Variants in BAZ2B observed in about 807,000 individuals in gnomAD.
BAZ2B encodes bromodomain adjacent to zinc finger domain 2B.
Under a neutral mutation model 246.0 loss-of-function variants are expected in BAZ2B, and 91 were observed. The ratio of observed to expected loss-of-function variants is 0.37; its 90% CI spans 0.31 to 0.44. BAZ2B has a LOEUF of 0.44. Ranked by LOEUF, BAZ2B falls within the 20% of genes least tolerant of loss-of-function variation. The pLI, the probability that BAZ2B is intolerant of heterozygous loss-of-function variation, is 1.00. For missense variants in BAZ2B, 2,332 were observed against 2,533.7 expected (o/e 0.92, Z 1.71); for synonymous variants, 855 against 860.0 (o/e 0.99, Z 0.10).
At chr2:159,655,907 CAT>C in the BAZ2B span, among the ~76,000 whole-genome samples, 1 of 152,068 alleles carries the variant, frequency 6.6e-6, no homozygotes, top group African/African-American at 2.4e-5. Flanking sequence ...AAATTTTCAA[CAT>C]ATTTTTAATA....
At chr2:159,488,319 C>T (rs1288176041) in intron 2 of BAZ2B, among the ~76,000 whole-genome samples, 2 of 152,062 alleles carry the variant, frequency 1.3e-5, no homozygotes, top group African/African-American at 2.4e-5. Context: ...GTGATCCACC[C>T]GCCTCGGCCT....
At chr2:159,690,228 T>C in the BAZ2B span, 1 of 416,740 alleles carries the variant, frequency 2.4e-6, no homozygotes, top group South Asian at 2.1e-5. Flanking sequence ...GCTTTCACAT[T>C]ATATCAATCT....
chr2:159,590,308 G>T (rs1689092145), intron 1 of BAZ2B, among the ~76,000 whole-genome samples: 1 of 134,438 alleles, frequency 7.4e-6, no homozygotes, highest in Non-Finnish European at 1.6e-5. Context: ...CTCAAAAATA[G>T]GCCAGGTACA....
chr2:159,359,615 C>T (rs536956971), intron 27 of BAZ2B, among the ~76,000 whole-genome samples: 3 of 152,078 alleles, frequency 2.0e-5, no homozygotes, highest in Non-Finnish European at 4.4e-5. Context: ...ATAAGGCCAG[C>T]GTCAATACCT....
chr2:159,670,345 C>T, the BAZ2B span, among the ~76,000 whole-genome samples: 3 of 152,110 alleles, frequency 2.0e-5, no homozygotes, highest in South Asian at 6.2e-4. Context: ...GGCTCATGAA[C>T]TGTACCTCTT....
chr2:159,349,361 T>C (rs1186879996), intron 28 of BAZ2B, 81 bp from the exon 29 acceptor site: 1 of 1,358,752 alleles, frequency 7.4e-7, no homozygotes, highest in Non-Finnish European at 9.8e-7. Context: ...GAAATTATTT[T>C]TCAAATTCCA....
In BAZ2B at chr2:159,468,442, T is replaced by C. The variant is rs193152063; in HGVS notation, c.145+10133A>G. 1.9e-3 allele frequency among the ~76,000 whole-genome samples: 289 copies of C among 152,226 alleles called. 1 individual carries two copies. Among genetic ancestry groups the C allele is most frequent in the African/African-American group, 6.6e-3 (274 of 41,528 alleles). ...AGAGGAGACCCAGAGGAGTCTAGCATGAAAAAGCAGAAGTGGGAAGCCAAA... is the reference window on the plus strand; with the variant it reads ...AGAGGAGACCCAGAGGAGTCTAGCACGAAAAAGCAGAAGTGGGAAGCCAAA... On this transcript the variant is annotated intron_variant, in intron 3 of 36. Transcript: ENST00000392783.
the BAZ2B span, among the ~76,000 whole-genome samples, chr2:159,661,260 T>A: frequency 1.3e-5 from 2 of 152,230 alleles, no homozygotes; most frequent in Non-Finnish European, 2.9e-5. Flanking sequence ...CATATTGTAA[T>A]GTGTGAATAG....
intron 25 of BAZ2B, among the ~76,000 whole-genome samples, chr2:159,375,970 C>A (rs2061373047): frequency 6.6e-6 from 1 of 152,094 alleles, no homozygotes; most frequent in African/African-American, 2.4e-5. Context: ...ATGCATAGTC[C>A]TAATTTCATA....
chr2:159,652,868 T>C, the BAZ2B span, among the ~76,000 whole-genome samples: 1 of 152,004 alleles, frequency 6.6e-6, no homozygotes, highest in African/African-American at 2.4e-5. Flanking sequence ...TTCTCCTATC[T>C]TGGCCTCCTA....
chr2:159,388,499 C>G (rs1387374919), intron 21 of BAZ2B, among the ~76,000 whole-genome samples: 2 of 152,098 alleles, frequency 1.3e-5, no homozygotes, highest in Non-Finnish European at 2.9e-5. Flanking sequence ...AGTATAGGCT[C>G]TGGAGTTTAA....
chr2:159,533,637 G>A (rs2085607019), intron 2 of BAZ2B, among the ~76,000 whole-genome samples: 2 of 151,862 alleles, frequency 1.3e-5, no homozygotes, highest in African/African-American at 4.8e-5. Flanking sequence ...AAACAAAAAA[G>A]AAGAAGAAAG....
chr2:159,598,653 G>T (rs908777795), intron 1 of BAZ2B, among the ~76,000 whole-genome samples: 7 of 151,960 alleles, frequency 4.6e-5, no homozygotes, highest in African/African-American at 1.7e-4. Flanking sequence ...TTTGAGACCA[G>T]CCCGGCCAAA....
intron 2 of BAZ2B, among the ~76,000 whole-genome samples, chr2:159,491,537 G>A (rs2080465731): frequency 1.3e-5 from 2 of 150,132 alleles, no homozygotes; most frequent in African/African-American, 4.9e-5. Context: ...CGGCTAAAAC[G>A]GTGAAACCCC....
chr2:159,533,862 G>A (rs1174502971), intron 2 of BAZ2B, among the ~76,000 whole-genome samples: 2 of 152,124 alleles, frequency 1.3e-5, no homozygotes, highest in Admixed American at 1.3e-4. Flanking sequence ...AAAAATGAAT[G>A]TATGTGAAAC....
At chr2:159,505,793 C>A (rs955123556) in intron 2 of BAZ2B, among the ~76,000 whole-genome samples, 8 of 152,150 alleles carry the variant, frequency 5.3e-5, no homozygotes, top group Non-Finnish European at 4.4e-5. Flanking sequence ...AAAAGGAGAA[C>A]AATTCATACA....
Position 159,332,645 on chromosome 2 carries a change from A to C in BAZ2B, c.5838T>G (p.Leu1946=), listed in dbSNP as rs192910254. 184 of 1,614,050 alleles carry C rather than the reference A, an allele frequency of 1.1e-4. No individual in the cohort carries two copies. The African/African-American group carries it at 2.2e-3, about 19-fold the overall frequency. Residue 1946 remains leucine, a synonymous_variant, in exon 34 of 37, where the codon CTT becomes CTG. Transcript: ENST00000392783. The part of the protein sequence containing the change: ...ICRKGDNEEL[L]LLCDGCDKGC... ...CTTTGTCACAGCCATCACAAAGAAG[A>C]AGCAGTTCTTCATTATCTCCCTTTC...
chr2:159,325,946 G>C (rs767454873), intron 34 of BAZ2B, 28 bp from the exon 35 acceptor site: 110 of 1,529,656 alleles, frequency 7.2e-5, no homozygotes. Flanking sequence ...AGTAAATGAG[G>C]TGTAAGAAAG....
intron 2 of BAZ2B, among the ~76,000 whole-genome samples, chr2:159,504,370 C>T (rs573502129): frequency 1.3e-5 from 2 of 152,074 alleles, no homozygotes; most frequent in African/African-American, 4.8e-5. Context: ...ACCATGTTGC[C>T]CAGGCCCAAG....
Sources: gnomAD v4.1 joint callset for allele counts (sites outside exome capture counted in the v4.1 genomes callset) on GRCh38, gnomAD v4.1.1 for gene constraint, MANE v1.5 for transcripts, NCBI Gene and HGNC (gene_info 2026-07-23, HGNC 2026-07-21) for gene names.